ESCO2: variants seen among roughly 807,000 people sequenced by gnomAD.
ESCO2 encodes the protein N-acetyltransferase ESCO2.
In ESCO2, 51 loss-of-function variants were observed where a neutral mutation model predicts 61.7. The observed-to-expected ratio is 0.83, with a 90% CI of 0.66 to 1.04. The LOEUF is 1.04. Among genes scored for constraint, ESCO2 ranks in the 50% least tolerant of loss-of-function variants. The pLI, the probability that ESCO2 is intolerant of heterozygous loss-of-function variation, is 0.00. For missense variants in ESCO2, 692 were observed against 686.2 expected (o/e 1.01, Z -0.09); for synonymous variants, 230 against 238.2 (o/e 0.97, Z 0.32).
intron 10 of ESCO2, 139 bp from the exon 11 acceptor site, chr8:27,803,167 T>C: frequency 1.3e-6 from 1 of 751,976 alleles, no homozygotes; most frequent in Admixed American, 2.5e-5. Flanking sequence ...ATTAGACTTC[T>C]GTCTCTAAAA....
In ESCO2 at chr8:27,788,981, G is replaced by A. The variant is rs1346645976; in HGVS notation, c.1263+3G>A. 6.2e-7 allele frequency: 1 copy of A among 1,613,986 alleles called. No homozygotes were observed. The highest frequency in any genetic ancestry group is 1.7e-5 in the Admixed American group (1 of 60,012). ...TTCTGGAAGGAATCAAATATGTGGT[G>A]AGCCAAAACATAGTCTTTCAGTTTG... On this transcript the variant is annotated splice_donor_region_variant and intron_variant, in intron 7 of 10. Transcript: ENST00000305188.
chr8:27,775,076 C>T (rs1804757179), intron 1 of ESCO2, among the ~76,000 whole-genome samples: 1 of 152,208 alleles, frequency 6.6e-6, no homozygotes, highest in South Asian at 2.1e-4. Context: ...CACGTAGCCG[C>T]CTGCTCGTGC....
intron 7 of ESCO2, 129 bp downstream of exon 7, chr8:27,789,107 A>G: frequency 8.5e-7 from 1 of 1,171,826 alleles, no homozygotes; most frequent in Non-Finnish European, 1.2e-6. Context: ...TTACTATCTC[A>G]ATTTAAGATA....
chr8:27,811,237 T>C, downstream of ESCO2: 1 of 926,300 alleles, frequency 1.1e-6, no homozygotes, highest in South Asian at 1.3e-5. Flanking sequence ...AGTTCACAGG[T>C]TAATCAGTGT....
At chr8:27,808,106 G>GAT (rs1805600169), downstream of ESCO2, 1 of 412,422 alleles carries the variant, frequency 2.4e-6, no homozygotes, top group Non-Finnish European at 3.5e-6. Flanking sequence ...ATTCTTAGCT[G>GAT]ATATATATAG....
intron 9 of ESCO2, among the ~76,000 whole-genome samples, chr8:27,795,927 C>G (rs1221646241): frequency 6.6e-6 from 1 of 150,576 alleles, no homozygotes; most frequent in Non-Finnish European, 1.5e-5. Context: ...TTGTAGTGTC[C>G]TTTTCTGGCT....
intron 4 of ESCO2, among the ~76,000 whole-genome samples, chr8:27,783,552 A>G (rs1804970528): frequency 6.6e-6 from 1 of 152,148 alleles, no homozygotes; most frequent in Admixed American, 6.5e-5. Context: ...AAGTTCATGA[A>G]GATTTTTCCC....
At position 27,787,941 on chromosome 8, in the gene ESCO2, A is replaced by G; in HGVS notation, c.1070A>G (p.Asn357Ser). The change falls in exon 6 of 11, where the codon AAT becomes AGT. Residue 357 changes from asparagine to serine, a missense_variant. Coordinates refer to ENST00000305188, the MANE Select transcript of ESCO2 (RefSeq NM_001017420.3). ...VGSVNFMKQTNIQKNTNTRDT... is the reference protein window; with the variant it reads ...VGSVNFMKQTSIQKNTNTRDT... The stretch of plus-strand genomic sequence containing the variant: ...TCTGTCAACTTCATGAAACAGACCA[A>G]TATCCAGAAAAATACTAATACCAGA... 6.2e-7 allele frequency: 1 copy of G among 1,613,884 alleles called. No homozygotes were observed. Among genetic ancestry groups the G allele is most frequent in the Non-Finnish European group, 8.5e-7 (1 of 1,179,904 alleles).
At chr8:27,797,594 T>G (rs567715841) in intron 9 of ESCO2, among the ~76,000 whole-genome samples, 61 of 152,224 alleles carry the variant, frequency 4.0e-4, no homozygotes, top group Non-Finnish European at 8.2e-4. Context: ...TATTGCCATT[T>G]TGTTTTGTTT....
intron 5 of ESCO2, among the ~76,000 whole-genome samples, chr8:27,784,769 C>A (rs923395059): frequency 6.6e-6 from 1 of 152,188 alleles, no homozygotes; most frequent in East Asian, 1.9e-4. Flanking sequence ...TCTTCCTAAG[C>A]AGCTTTGATT....
At chr8:27,794,129 C>G (rs1585405074) in intron 9 of ESCO2, among the ~76,000 whole-genome samples, 1 of 152,142 alleles carries the variant, frequency 6.6e-6, no homozygotes, top group African/African-American at 2.4e-5. Flanking sequence ...TTTCTTTATT[C>G]ATTCATCCAT....
At chr8:27,797,849 G>A (rs1186335921) in intron 9 of ESCO2, among the ~76,000 whole-genome samples, 2 of 152,034 alleles carry the variant, frequency 1.3e-5, no homozygotes, top group Non-Finnish European at 2.9e-5. Flanking sequence ...TAATTTTACA[G>A]TTTACATCTT....
intron 2 of ESCO2, 89 bp downstream of exon 2, chr8:27,775,656 T>C: frequency 8.3e-7 from 1 of 1,210,772 alleles, no homozygotes; most frequent in Non-Finnish European, 1.2e-6. Context: ...TTTTCGTTCT[T>C]CCACTAGCCT....
At chr8:27,808,676 C>A (rs1172378178), downstream of ESCO2, among the ~76,000 whole-genome samples, 2 of 91,300 alleles carry the variant, frequency 2.2e-5, no homozygotes, top group Non-Finnish European at 4.5e-5. Context: ...CAGAGCAAGA[C>A]CCTGTCTCAA....
rs755237600 is a variant in ESCO2, at chr8:27,784,025, A to C, written c.981A>C (p.Pro327=). The C allele has an allele frequency of 1.7e-5, 28 of 1,613,558 alleles. No individual in the cohort carries two copies. The highest frequency in any genetic ancestry group is 2.3e-5 in the Non-Finnish European group (27 of 1,179,714). The change falls in exon 5 of 11, where the codon CCA becomes CCC. Residue 327 remains proline (P), a synonymous_variant. Transcript: ENST00000305188. ...TTTCTCCTAAGTCCACTGTCTATCCAATCTTCAGTGCATCTTCAGTCAATT... is the reference window on the plus strand; with the variant it reads ...TTTCTCCTAAGTCCACTGTCTATCCCATCTTCAGTGCATCTTCAGTCAATT... ...KTISPKSTVY[P]IFSASSVNSK...
rs754095454 is a variant in ESCO2 at position 27,803,487 on chromosome 8, C to T, written c.*49C>T. The stretch of plus-strand genomic sequence containing the variant: ...TTACTATCTGGATAAGTTCAAAGAG[C>T]TCCTTATTATAAAATACAAACTATT... On this transcript the variant is annotated 3_prime_UTR_variant, in exon 11 of 11. Coordinates refer to ENST00000305188, the MANE Select transcript of ESCO2 (RefSeq NM_001017420.3). The T allele has an allele frequency of 6.2e-7, 1 of 1,602,660 alleles. No homozygotes were observed. The highest frequency in any genetic ancestry group is 8.5e-7 in the Non-Finnish European group (1 of 1,173,188).
downstream of ESCO2, among the ~76,000 whole-genome samples, chr8:27,808,010 G>A (rs576197383): frequency 3.9e-4 from 60 of 152,300 alleles, no homozygotes; most frequent in Non-Finnish European, 4.4e-4. Flanking sequence ...CTGGAACTAT[G>A]AGAAATTTCT....
rs1426567567 is a variant in ESCO2, at chr8:27,805,286, T to C, written c.*1848T>C. The C allele has an allele frequency of 7.2e-5, 2 of 27,822 alleles. No individual in the cohort carries two copies. Among genetic ancestry groups the C allele is most frequent in the African/African-American group, 1.1e-4 (1 of 9,078 alleles). The allele number at this position is 27,822 out of a possible 1,614,324, so 1.7% of individuals were successfully genotyped here. A position where few individuals can be genotyped will look rare whatever the true frequency, so the allele number is the denominator to read the frequency against. On this transcript the variant is annotated 3_prime_UTR_variant, in exon 11 of 11. Coordinates refer to ENST00000305188, the MANE Select transcript of ESCO2 (RefSeq NM_001017420.3). ...CTGGGCGACAGAGCGAGACTCCGTC[T>C]CAAAAAAAAAAAAAAAAAAAAAAAA... is the stretch of plus-strand genomic sequence containing the variant.
At chr8:27,814,964 T>A (rs1292294760), downstream of ESCO2, among the ~76,000 whole-genome samples, 1 of 152,208 alleles carries the variant, frequency 6.6e-6, no homozygotes, top group African/African-American at 2.4e-5. Context: ...TGTTAGAGTG[T>A]ATTATACTAA....
Sources: allele counts gnomAD v4.1 joint callset (sites outside exome capture counted in the v4.1 genomes callset), GRCh38; gene constraint gnomAD v4.1.1; transcripts MANE v1.5; gene names NCBI Gene and HGNC (gene_info 2026-07-23, HGNC 2026-07-21).